Variants in ATP6V1C1 observed in about 807,000 individuals in gnomAD.
The protein encoded by ATP6V1C1 is ATPase H+ transporting V1 subunit C1.
A neutral mutation model predicts 53.9 loss-of-function variants in ATP6V1C1; 45 were observed. The observed-to-expected ratio is 0.83, with a 90% CI of 0.66 to 1.07. The LOEUF (loss-of-function observed/expected upper bound fraction) is 1.07, where lower values mean the gene tolerates loss of function less well. ATP6V1C1 is among the 50% of genes least tolerant of loss of function. ATP6V1C1 has a pLI of 0.00. For missense variants in ATP6V1C1, 315 were observed against 440.3 expected (o/e 0.72, Z 2.55); for synonymous variants, 153 against 155.2 (o/e 0.99, Z 0.11).
chr8:103,034,486 G>T (rs553009445), intron 1 of ATP6V1C1, among the ~76,000 whole-genome samples: 1 of 152,004 alleles, frequency 6.6e-6, no homozygotes, highest in Non-Finnish European at 1.5e-5. Context: ...TCCATTTTCC[G>T]ATGAATAAAG....
At position 103,063,180 on chromosome 8, in the gene ATP6V1C1, A is replaced by T; in HGVS notation, c.780A>T (p.Ala260=). 6.2e-7 allele frequency: 1 copy of T among 1,612,722 alleles called. No homozygotes were observed. The highest frequency in any genetic ancestry group is 8.5e-7 in the Non-Finnish European group (1 of 1,179,414). The change falls in exon 10 of 13, where the codon GCA becomes GCT. Residue 260 remains alanine (A), a synonymous_variant. Transcript: ENST00000518738. ...DFQYNEEEMK[A]DKEEMNRLST... is the part of the protein sequence containing the mutation. ...AGTATAATGAAGAGGAGATGAAAGC[A>T]GATAAAGAAGAAATGAACAGGCTTT...
chr8:103,051,235 G>T (rs955414273), intron 5 of ATP6V1C1, 91 bp downstream of exon 5: 2 of 926,104 alleles, frequency 2.2e-6, no homozygotes, highest in Admixed American at 5.6e-5. Context: ...TTTAGGTTTT[G>T]ATAAGGCAAC....
intron 12 of ATP6V1C1, among the ~76,000 whole-genome samples, chr8:103,067,230 C>G (rs1451073501): frequency 6.6e-6 from 1 of 151,744 alleles, no homozygotes; most frequent in Non-Finnish European, 1.5e-5. Context: ...GAAACCCCGT[C>G]TCTACTAGAA....
At chr8:103,021,993 G>C (rs1816605283) in intron 1 of ATP6V1C1, among the ~76,000 whole-genome samples, 1 of 152,200 alleles carries the variant, frequency 6.6e-6, no homozygotes, top group Non-Finnish European at 1.5e-5. Context: ...TCTGGGAATG[G>C]AACGGGTGGG....
chr8:103,043,811 A>G (rs1429107124), intron 3 of ATP6V1C1, among the ~76,000 whole-genome samples: 1 of 152,154 alleles, frequency 6.6e-6, no homozygotes, highest in African/African-American at 2.4e-5. Flanking sequence ...GAAGTTCTTT[A>G]TACAGAATAT....
intron 1 of ATP6V1C1, among the ~76,000 whole-genome samples, chr8:103,029,106 T>A (rs11779536): frequency 0.38 from 57,266 of 151,940 alleles, 11,441 homozygotes; most frequent in African/African-American, 0.52. Flanking sequence ...GTTTTTTTTT[T>A]TATAATTTAA....
chr8:103,050,992 A>G, intron 4 of ATP6V1C1, 58 bp from the exon 5 acceptor site: 1 of 1,230,972 alleles, frequency 8.1e-7, no homozygotes, highest in Non-Finnish European at 1.2e-6. Flanking sequence ...ATCGCTGTGT[A>G]AAAAACTGAA....
At chr8:103,048,979 C>A in intron 4 of ATP6V1C1, 24 bp downstream of exon 4, 1 of 1,596,440 alleles carries the variant, frequency 6.3e-7, no homozygotes, top group South Asian at 1.1e-5. Context: ...CATGATTGAT[C>A]ATTATTAACT....
At chr8:103,066,274 T>G in intron 11 of ATP6V1C1, 47 bp from the exon 12 acceptor site, 1 of 1,564,884 alleles carries the variant, frequency 6.4e-7, no homozygotes, top group Non-Finnish European at 8.6e-7. Flanking sequence ...GAAAATCTCT[T>G]TACATGTTTG....
intron 1 of ATP6V1C1, among the ~76,000 whole-genome samples, chr8:103,026,310 G>C (rs886669373): frequency 1.3e-5 from 2 of 152,182 alleles, no homozygotes; most frequent in African/African-American, 4.8e-5. Context: ...GTGAAAGTAA[G>C]GCTTTGCTTT....
At chr8:103,064,642 T>TA (rs1254525505) in intron 10 of ATP6V1C1, 72 bp from the exon 11 acceptor site, 3 of 1,259,534 alleles carry the variant, frequency 2.4e-6, no homozygotes, top group Non-Finnish European at 2.2e-6. Context: ...GGTAGTCACT[T>TA]AAAAAAATAT....
chr8:103,063,368 C>T (rs1013441844), intron 10 of ATP6V1C1, 140 bp downstream of exon 10: 1 of 586,588 alleles, frequency 1.7e-6, no homozygotes. Context: ...ATTGAATAAT[C>T]AGAATGAATT....
chr8:103,055,680 T>TC (rs1374015246), intron 7 of ATP6V1C1, among the ~76,000 whole-genome samples, 188 bp from the exon 8 acceptor site: 1 of 152,182 alleles, frequency 6.6e-6, no homozygotes, highest in Non-Finnish European at 1.5e-5. Flanking sequence ...GATCTGTTTT[T>TC]CCTGCATTAC....
intron 8 of ATP6V1C1, among the ~76,000 whole-genome samples, chr8:103,062,161 GTT>G (rs767825523): frequency 0.055 from 3,846 of 69,938 alleles, 4 homozygotes; most frequent in Non-Finnish European, 0.074. Flanking sequence ...GTTCATCAGG[GTT>G]TTTTTTTTTT....
Position 103,048,935 on chromosome 8 carries a change from A to G in ATP6V1C1, c.266A>G (p.Glu89Gly). ...VLEDSKDKVQ[E>G]NLLANGVDLV... ...GAAGATAGCAAAGACAAAGTTCAAG[A>G]GAATCTGTTGGCTAATGGAGGTAAG... The change falls in exon 4 of 13, where the codon GAG (glutamate) becomes GGG (glycine). Residue 89 changes from glutamate (E) to glycine (G), a missense_variant. By Grantham distance (98) the Glu-to-Gly change is moderately conservative. Coordinates refer to ENST00000518738, the MANE Select transcript of ATP6V1C1 (RefSeq NM_001695.5). 6.2e-7 allele frequency: 1 copy of G among 1,613,294 alleles called. No homozygotes were observed. The highest frequency in any genetic ancestry group is 8.5e-7 in the Non-Finnish European group (1 of 1,179,610).
chr8:103,030,065 A>G (rs1180368671), intron 1 of ATP6V1C1, among the ~76,000 whole-genome samples: 2 of 152,186 alleles, frequency 1.3e-5, no homozygotes, highest in African/African-American at 4.8e-5. Flanking sequence ...TTCATGTTTT[A>G]CTTATCAAGA....
intron 1 of ATP6V1C1, among the ~76,000 whole-genome samples, chr8:103,024,351 C>T (rs946974134): frequency 2.0e-5 from 3 of 152,056 alleles, no homozygotes; most frequent in Non-Finnish European, 4.4e-5. Context: ...TTAGTTTTTT[C>T]AACCTAAAAA....
chr8:103,022,105 AAG>A (rs1418305354), intron 1 of ATP6V1C1, among the ~76,000 whole-genome samples: 1 of 152,208 alleles, frequency 6.6e-6, no homozygotes, highest in East Asian at 1.9e-4. Flanking sequence ...ACTTACCAAA[AAG>A]AGAATGCGAA....
At chr8:103,055,528 G>A (rs1817275575) in intron 7 of ATP6V1C1, among the ~76,000 whole-genome samples, 1 of 152,058 alleles carries the variant, frequency 6.6e-6, no homozygotes, top group South Asian at 2.1e-4. Context: ...ATTTTAGCAT[G>A]ACCATTTTTA....
Sources: gnomAD v4.1 joint callset for allele counts (sites outside exome capture counted in the v4.1 genomes callset) on GRCh38, gnomAD v4.1.1 for gene constraint, MANE v1.5 for transcripts, NCBI Gene and HGNC (gene_info 2026-07-23, HGNC 2026-07-21) for gene names.